Variants in DNAJC3 observed in about 807,000 individuals in gnomAD.
The protein encoded by DNAJC3 is dnaJ homolog subfamily C member 3.
DNAJC3 carries 38 observed loss-of-function variants against 68.6 expected under a neutral mutation model. The ratio of observed to expected loss-of-function variants is 0.55; its 90% CI spans 0.43 to 0.73. The LOEUF (loss-of-function observed/expected upper bound fraction) is 0.73. DNAJC3 is among the 30% of genes least tolerant of loss of function. The pLI is 0.00. For missense variants in DNAJC3, 526 were observed against 591.9 expected (o/e 0.89, Z 1.16); for synonymous variants, 203 against 204.0 (o/e 1.00, Z 0.04).
chr13:95,708,130 C>T (rs918090154), intron 1 of DNAJC3, among the ~76,000 whole-genome samples: 3 of 152,160 alleles, frequency 2.0e-5, no homozygotes, highest in Admixed American at 6.5e-5. Flanking sequence ...GACCATGCAG[C>T]AGGAGCCAGA....
At chr13:95,735,567 G>A (rs1348742824) in intron 4 of DNAJC3, among the ~76,000 whole-genome samples, 2 of 150,964 alleles carry the variant, frequency 1.3e-5, no homozygotes, top group African/African-American at 2.5e-5. Context: ...TTCTCTGATG[G>A]CCAGTGATGA....
At chr13:95,728,211 G>A (rs1291625588) in intron 4 of DNAJC3, among the ~76,000 whole-genome samples, 1 of 152,084 alleles carries the variant, frequency 6.6e-6, no homozygotes, top group Non-Finnish European at 1.5e-5. Context: ...GTTATCCCTG[G>A]GATAAATGTC....
intron 1 of DNAJC3, among the ~76,000 whole-genome samples, chr13:95,690,769 G>A: frequency 6.8e-6 from 1 of 146,642 alleles, no homozygotes; most frequent in Non-Finnish European, 1.5e-5. Flanking sequence ...TTTCCGGATG[G>A]GGTGGCTGGC....
chr13:95,783,209 T>C (rs898283296), intron 9 of DNAJC3, among the ~76,000 whole-genome samples: 2 of 152,206 alleles, frequency 1.3e-5, no homozygotes, highest in Admixed American at 6.5e-5. Flanking sequence ...AAGTCTTACA[T>C]CATCCATACT....
chr13:95,686,289 GT>G (rs1880072752), intron 1 of DNAJC3, among the ~76,000 whole-genome samples: 1 of 152,172 alleles, frequency 6.6e-6, no homozygotes, highest in Admixed American at 6.5e-5. Flanking sequence ...GGGGTTCTTT[GT>G]TTTCTTCTTG....
intron 7 of DNAJC3, 123 bp downstream of exon 7, chr13:95,760,921 TG>T (rs1882802942): frequency 3.0e-6 from 4 of 1,342,860 alleles, no homozygotes; most frequent in Non-Finnish European, 3.9e-6. Flanking sequence ...TAGATAGCCC[TG>T]GGCCTTAGCA....
At chr13:95,749,429 A>AGG (rs1038794631) in intron 4 of DNAJC3, among the ~76,000 whole-genome samples, 3 of 152,060 alleles carry the variant, frequency 2.0e-5, no homozygotes, top group African/African-American at 7.2e-5. Context: ...AAAGGGAAAG[A>AGG]GGAAGGGGTG....
intron 4 of DNAJC3, among the ~76,000 whole-genome samples, chr13:95,750,072 C>T (rs1242276549): frequency 6.6e-6 from 1 of 151,714 alleles, no homozygotes; most frequent in East Asian, 2.0e-4. Context: ...CTTATGTACA[C>T]ATCCAATATC....
At chr13:95,744,463 G>C (rs1393624863) in intron 4 of DNAJC3, among the ~76,000 whole-genome samples, 6 of 152,098 alleles carry the variant, frequency 3.9e-5, no homozygotes, top group East Asian at 1.9e-4. Context: ...TTGGTTTAGA[G>C]AAAAATACAA....
At chr13:95,750,401 G>A (rs1882439111) in intron 4 of DNAJC3, among the ~76,000 whole-genome samples, 2 of 152,036 alleles carry the variant, frequency 1.3e-5, no homozygotes, top group Admixed American at 1.3e-4. Context: ...CTCTCAATAA[G>A]TGTTTTCTGC....
intron 3 of DNAJC3, 46 bp downstream of exon 3, chr13:95,723,412 G>T: frequency 6.3e-7 from 1 of 1,581,136 alleles, no homozygotes. Context: ...AACAGAACTT[G>T]GGGAGAGATA....
At chr13:95,736,041 G>A (rs2139652933) in intron 4 of DNAJC3, among the ~76,000 whole-genome samples, 1 of 152,152 alleles carries the variant, frequency 6.6e-6, no homozygotes, top group East Asian at 1.9e-4. Context: ...TCTACATACG[G>A]CTAGCCAGTT....
At chr13:95,694,720 T>G (rs1196606418) in intron 1 of DNAJC3, 2 of 152,670 alleles carry the variant, frequency 1.3e-5, no homozygotes, top group African/African-American at 2.4e-5. Context: ...GGATTATTTC[T>G]GGCCATACAC....
chr13:95,768,517 G>T (rs760895929), intron 9 of DNAJC3, among the ~76,000 whole-genome samples: 150 of 152,180 alleles, frequency 9.9e-4, no homozygotes, highest in Non-Finnish European at 1.5e-3. Context: ...GCTTTCTCTG[G>T]ATGAAGGCTG....
chr13:95,785,281 T>G (rs1171721247), intron 9 of DNAJC3, among the ~76,000 whole-genome samples: 5 of 152,100 alleles, frequency 3.3e-5, no homozygotes, highest in African/African-American at 1.2e-4. Flanking sequence ...TAACAACCAC[T>G]TAGTCTTAAT....
rs1235547935 is a variant in DNAJC3, at chr13:95,679,181, T to C, written c.82+1844T>C. Among the ~76,000 whole-genome samples the C allele has an allele frequency of 2.9e-5, 4 of 138,964 alleles. No homozygotes were observed. In the Admixed American group the frequency reaches 2.9e-4, roughly 10 times the overall value. 91.2% of individuals were successfully genotyped at this position (138,964 alleles called of 152,430 possible). ...CCAAGCACTTTTAAGTGATGGCAGCTGAGAAAAAAAATCAGCACTTTTTTT... is the reference window on the plus strand; with the variant it reads ...CCAAGCACTTTTAAGTGATGGCAGCCGAGAAAAAAAATCAGCACTTTTTTT... On this transcript the variant is annotated intron_variant, in intron 1 of 11. Transcript: ENST00000602402.
rs574830516 is a variant in DNAJC3 at position 95,698,194 on chromosome 13, T to C, written c.83-11033T>C. Among the ~76,000 whole-genome samples, 13 of 152,248 alleles carry C rather than the reference T, an allele frequency of 8.5e-5. No individual in the cohort carries two copies. In the East Asian group the frequency reaches 2.3e-3, roughly 27 times the overall value. On this transcript the variant is annotated intron_variant, in intron 1 of 11. Coordinates refer to ENST00000602402, the MANE Select transcript of DNAJC3 (RefSeq NM_006260.5). The stretch of plus-strand genomic sequence containing the variant: ...TTGCTTTTATAGCCTTGTGTACTTT[T>C]GTTGGCAGGTTTTATATTTGTTGTG...
At position 95,793,928 on chromosome 13, in the gene DNAJC3, A is replaced by G. The variant is rs1209590370; in HGVS notation, c.*2898A>G. ...TTGCCCAGCAGGAAGTATTAGACAC[A>G]TCAGTCTAGAAGCATTGTGAAAAGG... On this transcript the variant is annotated 3_prime_UTR_variant, in exon 12 of 12. Coordinates refer to ENST00000602402, the MANE Select transcript of DNAJC3 (RefSeq NM_006260.5). The G allele has an allele frequency of 6.6e-6, 1 of 152,224 alleles. No homozygotes were observed. The highest frequency in any genetic ancestry group is 1.5e-5 in the Non-Finnish European group (1 of 68,054). 9.4% of individuals were successfully genotyped at this position (152,224 alleles called of 1,614,324 possible). A position where few individuals can be genotyped will look rare whatever the true frequency, so the allele number is the denominator to read the frequency against.
rs1198701807 is a variant in DNAJC3, at chr13:95,677,356, C to G, written c.82+19C>G. 1.9e-6 allele frequency: 3 copies of G among 1,572,506 alleles called. No homozygotes were observed. The highest frequency in any genetic ancestry group is 1.1e-5 in the South Asian group (1 of 87,256). On this transcript the variant is annotated intron_variant, in intron 1 of 11. Coordinates refer to ENST00000602402, the MANE Select transcript of DNAJC3 (RefSeq NM_006260.5). ...TACGAAGGTGAGTCCTGCCCTGCCC[C>G]GGCCAGGAAGTGGGCTCCCGGACCA...
Sources: gnomAD v4.1 joint callset for allele counts (sites outside exome capture counted in the v4.1 genomes callset) on GRCh38, gnomAD v4.1.1 for gene constraint, MANE v1.5 for transcripts, NCBI Gene and HGNC (gene_info 2026-07-23, HGNC 2026-07-21) for gene names.